Variants in TTN observed in about 807,000 individuals in gnomAD.
TTN encodes the protein titin, also known as connectin.
A neutral mutation model predicts 3,223.0 loss-of-function variants in TTN; 1,525 were observed. The ratio of observed to expected loss-of-function variants is 0.47; its 90% CI spans 0.45 to 0.49. The LOEUF is 0.49. TTN is among the 20% of genes least tolerant of loss of function. TTN has a pLI of 0.00. For synonymous variants in TTN, 14,094 were observed against 15,161.0 expected, an observed-to-expected ratio of 0.93 and a Z score of 5.17; for missense variants, 40,786 against 43,424.0, an observed-to-expected ratio of 0.94 and a Z score of 5.40.
In TTN at chr2:178,701,101, G is replaced by C; in HGVS notation, c.30682+19C>G. ...AGTGAAATTCTTATTTCGACATCTA[G>C]GTAGATGAGGTATAATACCTTCAAT... On this transcript the variant is annotated intron_variant, in intron 111 of 362. Coordinates refer to ENST00000589042, the MANE Select transcript of TTN (RefSeq NM_001267550.2). 6.2e-7 allele frequency: 1 copy of C among 1,608,226 alleles called. No homozygotes were observed. The highest frequency in any genetic ancestry group is 8.5e-7 in the Non-Finnish European group (1 of 1,175,894).
chr2:178,750,006 T>TAA lies in TTN; in HGVS notation c.11311+3117_11311+3118insTT, dbSNP rs751962666. 12 of 1,613,162 alleles carry TAA rather than the reference T, an allele frequency of 7.4e-6. No homozygotes were observed. Among genetic ancestry groups the TAA allele is most frequent in the Non-Finnish European group, 1.0e-5 (12 of 1,179,518 alleles). On this transcript the variant is annotated intron_variant, in intron 47 of 362. Transcript: ENST00000589042. The stretch of plus-strand genomic sequence containing the variant: ...GTAACTTGATCTTGAGGCATTGCTT[T>TAA]AGGTTCCAGCTCCTCAGTTTGAAAC...
rs1235716954 is a variant in TTN, at chr2:178,543,898, T to C, written c.96246A>G (p.Lys32082=). 1 of 1,613,732 alleles carries C rather than the reference T, an allele frequency of 6.2e-7. No individual in the cohort carries two copies. Among genetic ancestry groups the C allele is most frequent in the South Asian group, 1.1e-5 (1 of 91,084 alleles). The change falls in exon 346 of 363, where the codon AAA becomes AAG. Residue 32082 remains lysine, a synonymous_variant. Transcript: ENST00000589042. The part of the protein sequence containing the change: ...VDKVNRYDAG[K]YTIEAENQSG... ...ATTGGTTTTCAGCTTCAATTGTGTA[T>C]TTTCCAGCATCGTACCGATTAACTT...
At chr2:178,749,632 A>G (rs746247720) in intron 47 of TTN, 2 of 1,612,246 alleles carry the variant, frequency 1.2e-6, no homozygotes, top group South Asian at 2.2e-5. Flanking sequence ...CGAATTGACT[A>G]TTTTCTCTAT....
rs749493479 is a variant in TTN at position 178,608,857 on chromosome 2, G to A, written c.52154C>T (p.Ser17385Leu). Residue 17385 changes from serine to leucine, a missense_variant, in exon 274 of 363, where the codon TCA (serine) becomes TTA (leucine). Coordinates refer to ENST00000589042, the MANE Select transcript of TTN (RefSeq NM_001267550.2). ...NFVFEDIRKT[S>L]VLCKWEPPLD... ...GGGTGGTTCCCATTTACAAAGGACT[G>A]AGGTCTTTCTGATATCTTCAAATAC... 2 of 1,611,906 alleles carry A rather than the reference G, an allele frequency of 1.2e-6. No homozygotes were observed. The highest frequency in any genetic ancestry group is 2.2e-5 in the South Asian group (2 of 91,046).
In TTN at chr2:178,629,360, AG is replaced by A. The variant is rs397517576; in HGVS notation, c.44364del (p.Tyr14789ThrfsTer15). ...GETATFDCEL[S>X]YEDIPVEWYL... ...TACCATTCCACTGGGATATCTTCGTAGGAGAGCTCGCAGTCGAAGGTGGCTG... is the reference window on the plus strand; with the variant it reads ...TACCATTCCACTGGGATATCTTCGTAGAGAGCTCGCAGTCGAAGGTGGCTG... On this transcript the variant is annotated frameshift_variant, in exon 240 of 363. Transcript: ENST00000589042. LOFTEE classifies it high-confidence loss of function. 3 of 1,612,992 alleles carry A rather than the reference AG, an allele frequency of 1.9e-6. No individual in the cohort carries two copies. Among genetic ancestry groups the A allele is most frequent in the Non-Finnish European group, 2.5e-6 (3 of 1,179,326 alleles).
chr2:178,564,359 G>T lies in TTN; in HGVS notation c.81773C>A (p.Ser27258Tyr). The change falls in exon 326 of 363, where the codon TCT (serine) becomes TAT (tyrosine). Residue 27258 changes from serine (S) to tyrosine (Y), a missense_variant. Coordinates refer to ENST00000589042, the MANE Select transcript of TTN (RefSeq NM_001267550.2). ...TGCAGTAATGGCACCACTACTATCA[G>T]ATGGTTCACTAAAGTTTCCAGCTGC... Reference protein sequence around the residue: ...RNAAGNFSEPSDSSGAITARD... With the variant: ...RNAAGNFSEPYDSSGAITARD... The T allele has an allele frequency of 6.2e-7, 1 of 1,613,680 alleles. No homozygotes were observed. The highest frequency in any genetic ancestry group is 8.5e-7 in the Non-Finnish European group (1 of 1,179,754).
At chr2:178,767,611 A>C in intron 40 of TTN, 148 bp downstream of exon 40, 1 of 1,126,746 alleles carries the variant, frequency 8.9e-7, no homozygotes, top group Non-Finnish European at 1.3e-6. Flanking sequence ...TGAGGTCAGC[A>C]TAAGAGAGTC....
In TTN at chr2:178,609,701, T is replaced by C; in HGVS notation, c.51722A>G (p.Lys17241Arg). The C allele has an allele frequency of 6.3e-7, 1 of 1,596,968 alleles. No individual in the cohort carries two copies. The highest frequency in any genetic ancestry group is 8.5e-7 in the Non-Finnish European group (1 of 1,169,642). The change falls in exon 272 of 363, where the codon AAA (lysine) becomes AGA (arginine). Residue 17241 changes from lysine (K) to arginine (R), a missense_variant. Coordinates refer to ENST00000589042, the MANE Select transcript of TTN (RefSeq NM_001267550.2). ...AAACTTACCAATGGGATCTACAGCT[T>C]TGGTTGGAGGAGTAGCCCGAGAAGG... ...SEPSRATPPT[K>R]AVDPIDAPKV...
intron 147 of TTN, among the ~76,000 whole-genome samples, chr2:178,676,560 A>G (rs577467372): frequency 1.3e-4 from 20 of 151,974 alleles, no homozygotes; most frequent in African/African-American, 4.6e-4. Context: ...AGACTACTTT[A>G]ATACCTTACT....
intron 308 of TTN, 111 bp from the exon 309 acceptor site, chr2:178,585,458 A>G: frequency 2.5e-6 from 3 of 1,186,554 alleles, no homozygotes; most frequent in Admixed American, 2.6e-5. Flanking sequence ...TTTTTTTAAT[A>G]TATACTTTAA....
In TTN at chr2:178,588,006, C is replaced by A; in HGVS notation, c.63401G>T (p.Ser21134Ile). The change falls in exon 305 of 363, where the codon AGC (serine) becomes ATC (isoleucine). Residue 21134 changes from serine (S) to isoleucine (I), a missense_variant. Coordinates refer to ENST00000589042, the MANE Select transcript of TTN (RefSeq NM_001267550.2). ...CTCATATTCCTGGTTTTCATCCAAG[C>A]TGGTAACAGTGAATTCCTTGCGTAC... ...QLVRKEFTVTSLDENQEYEFR... is the reference protein window; with the variant it reads ...QLVRKEFTVTILDENQEYEFR... 1 of 1,612,858 alleles carries A rather than the reference C, an allele frequency of 6.2e-7. No individual in the cohort carries two copies. The highest frequency in any genetic ancestry group is 1.1e-5 in the South Asian group (1 of 91,038).
chr2:178,651,347 T>A, intron 207 of TTN, 27 bp from the exon 208 acceptor site: 1 of 1,609,564 alleles, frequency 6.2e-7, no homozygotes, highest in African/African-American at 1.3e-5. Context: ...ATTTTAACAT[T>A]AGAAACAATC....
chr2:178,707,731 A>G lies in TTN; in HGVS notation c.28836T>C (p.His9612=), dbSNP rs566777873. ...SEGEYVQLSC[H]VQGSEPIRIQ... ...TCCTAATTGGCTCAGATCCCTGGAC[A>G]TGGCAGCTGAGCTGCACGTATTCTC... The change falls in exon 100 of 363, where the codon CAT becomes CAC. Residue 9612 remains histidine (H), a synonymous_variant. Transcript: ENST00000589042. 11 of 1,614,012 alleles carry G rather than the reference A, an allele frequency of 6.8e-6. No homozygotes were observed. In the African/African-American group the frequency reaches 8.0e-5, roughly 12 times the overall value.
rs374639358 is a variant in TTN, at chr2:178,749,247, C to A, written c.11311+3877G>T. 92 of 1,611,610 alleles carry A rather than the reference C, an allele frequency of 5.7e-5. No individual in the cohort carries two copies. Among genetic ancestry groups the A allele is most frequent in the African/African-American group, 1.1e-4 (8 of 74,816 alleles). Reference sequence around the variant, plus strand: ...TTCTTAATAGTGACATCACTGAAATCATCAACAAATGGATAAACAGTACCC... The same window carrying A: ...TTCTTAATAGTGACATCACTGAAATAATCAACAAATGGATAAACAGTACCC... On this transcript the variant is annotated intron_variant, in intron 47 of 362. Coordinates refer to ENST00000589042, the MANE Select transcript of TTN (RefSeq NM_001267550.2).
At chr2:178,676,191 A>C in intron 147 of TTN, 196 bp from the exon 148 acceptor site, 1 of 530,532 alleles carries the variant, frequency 1.9e-6, no homozygotes, top group South Asian at 2.7e-5. Context: ...TCATTATCAG[A>C]GGACAGATGC....
chr2:178,536,185 C>T lies in TTN; in HGVS notation c.100562G>A (p.Gly33521Asp), dbSNP rs370516977. ...SNATLVCKVTGHPKPIVKWYR... is the reference protein window; with the variant it reads ...SNATLVCKVTDHPKPIVKWYR... ...CCATTTGACGATAGGTTTTGGATGA[C>T]CAGTCACTTTGCAGACCAAGGTAGC... The change falls in exon 357 of 363, where the codon GGT becomes GAT. Residue 33521 changes from glycine to aspartate, a missense_variant. Transcript: ENST00000589042. 7 of 1,613,380 alleles carry T rather than the reference C, an allele frequency of 4.3e-6. No homozygotes were observed. The highest frequency in any genetic ancestry group is 1.3e-5 in the African/African-American group (1 of 74,910).
Position 178,678,132 on chromosome 2 carries a change from T to C in TTN, c.33987A>G (p.Pro11329=). 8.7e-6 allele frequency: 14 copies of C among 1,610,302 alleles called. No homozygotes were observed. The highest frequency in any genetic ancestry group is 1.2e-5 in the Non-Finnish European group (14 of 1,178,742). ...TPVPKKVEAP[P]PKVPKKREPV... Reference sequence around the variant, plus strand: ...TGTTACAGATTAATGTACCTTTGGGTGGTGGTGCTTCCACTTTTTTCGGAA... The same window carrying C: ...TGTTACAGATTAATGTACCTTTGGGCGGTGGTGCTTCCACTTTTTTCGGAA... The change falls in exon 145 of 363, where the codon CCA becomes CCG. Residue 11329 remains proline, a synonymous_variant. Transcript: ENST00000589042.
intron 43 of TTN, among the ~76,000 whole-genome samples, chr2:178,763,625 C>T (rs4894041): frequency 6.6e-6 from 1 of 152,088 alleles, no homozygotes; most frequent in African/African-American, 2.4e-5. Context: ...TCAATGTATT[C>T]ATGACAGAAG....
chr2:178,579,338 T>C lies in TTN; in HGVS notation c.67692A>G (p.Glu22564=), dbSNP rs780239325. ...GLPDLCYLAK[E]NSNFRLKIPI... Reference sequence around the variant, plus strand: ...GGATCTTAAGCCGGAAGTTGCTGTTTTCTTTAGCCAAGTAGCACAAATCAG... The same window carrying C: ...GGATCTTAAGCCGGAAGTTGCTGTTCTCTTTAGCCAAGTAGCACAAATCAG... Residue 22564 remains glutamate (E), a synonymous_variant, in exon 320 of 363, where the codon GAA becomes GAG. Coordinates refer to ENST00000589042, the MANE Select transcript of TTN (RefSeq NM_001267550.2). The C allele has an allele frequency of 1.9e-6, 3 of 1,605,804 alleles. No individual in the cohort carries two copies. In the South Asian group the frequency reaches 3.3e-5, roughly 18 times the overall value.
Sources: gnomAD v4.1 joint callset for allele counts (sites outside exome capture counted in the v4.1 genomes callset) on GRCh38, gnomAD v4.1.1 for gene constraint, MANE v1.5 for transcripts, NCBI Gene and HGNC (gene_info 2026-07-23, HGNC 2026-07-21) for gene names.